The following TMCC1 variants were observed in gnomAD, a reference collection of about 807,000 sequenced individuals.
TMCC1 encodes transmembrane and coiled-coil domain family 1.
A neutral mutation model predicts 52.4 loss-of-function variants in TMCC1; 15 were observed. The ratio of observed to expected loss-of-function variants is 0.29; its 90% CI spans 0.19 to 0.44. The LOEUF (loss-of-function observed/expected upper bound fraction) is 0.44. Ranked by LOEUF, TMCC1 falls within the 20% of genes least tolerant of loss-of-function variation. TMCC1 has a pLI of 1.00. For missense variants in TMCC1, 503 were observed against 806.0 expected (o/e 0.62, Z 4.55); for synonymous variants, 279 against 301.9 (o/e 0.92, Z 0.79).
At chr3:129,764,796 T>G (rs1212900592) in intron 4 of TMCC1, among the ~76,000 whole-genome samples, 15 of 68,312 alleles carry the variant, frequency 2.2e-4, no homozygotes, top group African/African-American at 8.1e-4. Context: ...TATATTTTTT[T>G]TTTTTTTTTT....
chr3:129,848,321 A>G (rs1157971487), intron 2 of TMCC1: 3 of 152,212 alleles, frequency 2.0e-5, no homozygotes, highest in East Asian at 3.8e-4. Flanking sequence ...AGTTAGGCCT[A>G]TGATTTATTT....
intron 5 of TMCC1, among the ~76,000 whole-genome samples, chr3:129,657,504 C>A (rs1046099016): frequency 6.6e-6 from 1 of 152,108 alleles, no homozygotes; most frequent in Non-Finnish European, 1.5e-5. Context: ...GGATTTGAAT[C>A]CAGTTTTGAC....
intron 4 of TMCC1, among the ~76,000 whole-genome samples, chr3:129,768,267 G>A (rs2054284978): frequency 6.6e-6 from 1 of 152,076 alleles, no homozygotes; most frequent in Non-Finnish European, 1.5e-5. Context: ...CCAGGACATA[G>A]GTATCCCTCA....
chr3:129,774,776 T>A (rs1056343568), intron 4 of TMCC1, among the ~76,000 whole-genome samples: 1 of 152,152 alleles, frequency 6.6e-6, no homozygotes, highest in South Asian at 2.1e-4. Flanking sequence ...GCTAGACTAC[T>A]AAGAAATAAA....
intron 2 of TMCC1, among the ~76,000 whole-genome samples, chr3:129,860,440 T>A (rs1462342456): frequency 6.6e-6 from 1 of 152,054 alleles, no homozygotes; most frequent in Non-Finnish European, 1.5e-5. Flanking sequence ...AAACGGGTAA[T>A]AGTACATACA....
intron 4 of TMCC1, among the ~76,000 whole-genome samples, chr3:129,779,982 A>C (rs28645085): frequency 0.092 from 13,993 of 152,086 alleles, 2,099 homozygotes; most frequent in African/African-American, 0.32. Flanking sequence ...ATATTGAAAA[A>C]GCTTTCATTT....
intron 4 of TMCC1, among the ~76,000 whole-genome samples, chr3:129,761,527 T>G (rs952437693): frequency 6.6e-6 from 1 of 151,990 alleles, no homozygotes; most frequent in Non-Finnish European, 1.5e-5. Flanking sequence ...TTAAAATTAG[T>G]ATACTTTCCC....
chr3:129,648,529 C>G lies in TMCC1; in HGVS notation c.*2952G>C, dbSNP rs986983931. On this transcript the variant is annotated 3_prime_UTR_variant, in exon 7 of 7. Transcript: ENST00000393238. ...ACCAAGGAATGGAAATTGGAGCAGA[C>G]AGAAGTACCCTTCAATTATCATAAA... 1.3e-5 allele frequency: 2 copies of G among 152,164 alleles called. No individual in the cohort carries two copies. Among genetic ancestry groups the G allele is most frequent in the African/African-American group, 2.4e-5 (1 of 41,424 alleles). 9.4% of individuals were successfully genotyped at this position (152,164 alleles called of 1,614,324 possible).
At position 129,866,102 on chromosome 3, in the gene TMCC1, T is replaced by A. The variant is rs149750586; in HGVS notation, c.-184+14207A>T. Among the ~76,000 whole-genome samples the A allele has an allele frequency of 3.1e-4, 47 of 151,992 alleles. No homozygotes were observed. In the East Asian group the frequency reaches 4.6e-3, roughly 15 times the overall value. On this transcript the variant is annotated intron_variant, in intron 2 of 6. Coordinates refer to ENST00000393238, the MANE Select transcript of TMCC1 (RefSeq NM_001017395.5). ...AATGGAATACACCCACTATTCTGGATGCCCTGACACCCAATCTGACCTTTA... is the reference window on the plus strand; with the variant it reads ...AATGGAATACACCCACTATTCTGGAAGCCCTGACACCCAATCTGACCTTTA...
intron 2 of TMCC1, among the ~76,000 whole-genome samples, chr3:129,835,872 C>G (rs2059135740): frequency 6.6e-6 from 1 of 151,900 alleles, no homozygotes; most frequent in South Asian, 2.1e-4. Context: ...GATTACAGAA[C>G]AAATAAAACA....
At chr3:129,667,977 A>G (rs1669596789) in intron 5 of TMCC1, among the ~76,000 whole-genome samples, 1 of 152,212 alleles carries the variant, frequency 6.6e-6, no homozygotes, top group Non-Finnish European at 1.5e-5. Context: ...ACTGGAGCCC[A>G]GAAGTTCAAG....
chr3:129,839,691 C>T (rs1171836261), intron 2 of TMCC1, among the ~76,000 whole-genome samples: 1 of 152,010 alleles, frequency 6.6e-6, no homozygotes, highest in Non-Finnish European at 1.5e-5. Context: ...TTGAGACCAG[C>T]CTGGGCAACA....
At chr3:129,875,228 C>T (rs1481786684) in intron 2 of TMCC1, among the ~76,000 whole-genome samples, 1 of 151,870 alleles carries the variant, frequency 6.6e-6, no homozygotes, top group Admixed American at 6.6e-5. Flanking sequence ...GTGGCTCACA[C>T]CTGTAATCCC....
chr3:129,842,633 C>A (rs1434580753), intron 2 of TMCC1, among the ~76,000 whole-genome samples: 2 of 152,052 alleles, frequency 1.3e-5, no homozygotes. Flanking sequence ...AGGACATTCA[C>A]AAAGATATAC....
At position 129,677,085 on chromosome 3, in the gene TMCC1, G is replaced by A. The variant is rs571534452; in HGVS notation, c.577-5821C>T. Among the ~76,000 whole-genome samples, 152 of 150,332 alleles carry A rather than the reference G, an allele frequency of 1.0e-3. 2 individuals carry two copies. The highest frequency in any genetic ancestry group is 3.5e-3 in the African/African-American group (142 of 40,794). On this transcript the variant is annotated intron_variant, in intron 4 of 6. Coordinates refer to ENST00000393238, the MANE Select transcript of TMCC1 (RefSeq NM_001017395.5). ...TCAAGACTAGCCTGGGCAACATGCC[G>A]AAACCCTGTCTCTAAAAAAAAAAAA...
intron 4 of TMCC1, chr3:129,819,175 C>A (rs533545247): frequency 6.6e-6 from 1 of 152,354 alleles, no homozygotes; most frequent in African/African-American, 2.4e-5. Context: ...CTCCACCTCC[C>A]GGGTTCAAGT....
chr3:129,769,522 G>A (rs144667299), intron 4 of TMCC1, among the ~76,000 whole-genome samples: 1,561 of 148,610 alleles, frequency 0.011, 19 homozygotes, highest in Non-Finnish European at 0.013. Context: ...GAGCCCCTGC[G>A]CCCAGCCCAT....
chr3:129,746,043 C>T (rs1050745827), intron 4 of TMCC1, among the ~76,000 whole-genome samples: 1 of 148,976 alleles, frequency 6.7e-6, no homozygotes, highest in African/African-American at 2.5e-5. Context: ...AGACATGAGC[C>T]ACTGCACCCA....
chr3:129,681,694 G>C (rs983075556), intron 4 of TMCC1, among the ~76,000 whole-genome samples: 5 of 151,986 alleles, frequency 3.3e-5, no homozygotes, highest in Admixed American at 1.3e-4. Context: ...GATCACCTGA[G>C]GTCAGGAGTT....
Sources: allele counts gnomAD v4.1 joint callset (sites outside exome capture counted in the v4.1 genomes callset), GRCh38; gene constraint gnomAD v4.1.1; transcripts MANE v1.5; gene names NCBI Gene and HGNC (gene_info 2026-07-23, HGNC 2026-07-21).